Variants in CACNA2D1 observed in about 807,000 individuals in gnomAD.
CACNA2D1 encodes voltage-dependent calcium channel subunit alpha-2/delta-1.
In CACNA2D1, 53 loss-of-function variants were observed where a neutral mutation model predicts 171.5. The observed-to-expected ratio is 0.31, with a 90% CI of 0.25 to 0.39. The LOEUF is 0.39. Among genes scored for constraint, CACNA2D1 ranks in the 10% least tolerant of loss-of-function variants. The pLI is 1.00. For missense variants in CACNA2D1, 903 were observed against 1,299.8 expected, an observed-to-expected ratio of 0.69 and a Z score of 4.69; for synonymous variants, 442 against 443.1, an observed-to-expected ratio of 1.00 and a Z score of 0.03.
intron 1 of CACNA2D1, among the ~76,000 whole-genome samples, chr7:82,384,317 C>A (rs893626909): frequency 3.3e-5 from 5 of 151,910 alleles, no homozygotes; most frequent in African/African-American, 4.8e-5. Flanking sequence ...AGTATGAGGC[C>A]CTCATAATGC....
chr7:82,015,302 A>G (rs1370112634), intron 12 of CACNA2D1, among the ~76,000 whole-genome samples: 2 of 152,180 alleles, frequency 1.3e-5, no homozygotes, highest in Non-Finnish European at 2.9e-5. Context: ...ATGCACACAT[A>G]TAATTATGTT....
intron 7 of CACNA2D1, among the ~76,000 whole-genome samples, chr7:82,079,959 A>G (rs12707471): frequency 0.8 from 121,101 of 151,724 alleles, 48,650 homozygotes; most frequent in African/African-American, 0.88. Flanking sequence ...ATGTGTGTGT[A>G]TGTCAAAACT....
intron 3 of CACNA2D1, among the ~76,000 whole-genome samples, chr7:82,272,484 C>T (rs1001785686): frequency 1.3e-5 from 2 of 152,108 alleles, no homozygotes; most frequent in African/African-American, 4.8e-5. Context: ...TAGCACGCAA[C>T]GTAAGAAACT....
Position 82,007,660 on chromosome 7 carries a change from T to A in CACNA2D1, c.1440+19A>T. 8.0e-7 allele frequency: 1 copy of A among 1,247,150 alleles called. No homozygotes were observed. Among genetic ancestry groups the A allele is most frequent in the African/African-American group, 1.5e-5 (1 of 66,968 alleles). 77.3% of individuals were successfully genotyped at this position (1,247,150 alleles called of 1,614,324 possible). The stretch of plus-strand genomic sequence containing the variant: ...AGTTTGTCATTTATTATTATTAATT[T>A]TATCAATTAACTTTTAACCTTTAAG... On this transcript the variant is annotated intron_variant, in intron 16 of 38. Transcript: ENST00000356860.
In CACNA2D1 at chr7:82,245,515, G is replaced by A. The variant is rs180899065; in HGVS notation, c.295-74906C>T. Among the ~76,000 whole-genome samples, 33 of 152,192 alleles carry A rather than the reference G, an allele frequency of 2.2e-4. 1 individual carries two copies. The highest frequency in any genetic ancestry group is 1.4e-3 in the Admixed American group (22 of 15,268). On this transcript the variant is annotated intron_variant, in intron 3 of 38. Transcript: ENST00000356860. ...AATGGAGTAACTAAACACAGCATAT[G>A]ATAAAATTGGTGAGATTATCTGTTT...
intron 3 of CACNA2D1, among the ~76,000 whole-genome samples, chr7:82,294,306 T>C (rs1442109440): frequency 1.3e-5 from 2 of 152,142 alleles, no homozygotes; most frequent in Non-Finnish European, 2.9e-5. Context: ...TTTGGTTTGA[T>C]GTAGAAGTCA....
At chr7:82,155,755 G>C (rs1374537995) in intron 4 of CACNA2D1, among the ~76,000 whole-genome samples, 1 of 152,118 alleles carries the variant, frequency 6.6e-6, no homozygotes, top group Non-Finnish European at 1.5e-5. Flanking sequence ...AAATGACAAA[G>C]AGTGAAAAGG....
chr7:82,202,645 G>A (rs7803547), intron 3 of CACNA2D1, among the ~76,000 whole-genome samples: 28,705 of 137,768 alleles, frequency 0.21, 2,896 homozygotes, highest in African/African-American at 0.29. Context: ...GGGATGCAGC[G>A]GAGGTAAGGG....
intron 1 of CACNA2D1, among the ~76,000 whole-genome samples, chr7:82,389,453 A>C (rs1346528571): frequency 1.3e-5 from 2 of 152,128 alleles, no homozygotes; most frequent in African/African-American, 4.8e-5. Flanking sequence ...TTTCATAAAG[A>C]TGTCCTGAGT....
chr7:82,193,700 C>G lies in CACNA2D1; in HGVS notation c.295-23091G>C, dbSNP rs575090523. 1.8e-3 allele frequency among the ~76,000 whole-genome samples: 275 copies of G among 152,012 alleles called. 1 individual carries two copies. The highest frequency in any genetic ancestry group is 3.3e-3 in the Admixed American group (50 of 15,236). On this transcript the variant is annotated intron_variant, in intron 3 of 38. Coordinates refer to ENST00000356860, the MANE Select transcript of CACNA2D1 (RefSeq NM_000722.4). ...AGGTTTGCTGAAATTTATCTTCCCC[C>G]CAACAAGCGAAATTCAGTATTTGAA...
chr7:82,300,098 T>C (rs1812818374), intron 3 of CACNA2D1, among the ~76,000 whole-genome samples: 1 of 152,082 alleles, frequency 6.6e-6, no homozygotes, highest in Non-Finnish European at 1.5e-5. Context: ...TAGGGGTGGG[T>C]GTCTGATTTA....
At chr7:81,992,671 T>C (rs941620767) in intron 20 of CACNA2D1, among the ~76,000 whole-genome samples, 1 of 152,216 alleles carries the variant, frequency 6.6e-6, no homozygotes, top group African/African-American at 2.4e-5. Flanking sequence ...GCAGAAATTA[T>C]AATCTTGTTC....
At chr7:82,316,294 G>A (rs906375434) in intron 3 of CACNA2D1, among the ~76,000 whole-genome samples, 2 of 152,134 alleles carry the variant, frequency 1.3e-5, no homozygotes, top group African/African-American at 4.8e-5. Context: ...AGCATTGCTT[G>A]TTTGTACTTG....
At chr7:81,956,383 C>A (rs1205170026) in intron 38 of CACNA2D1, among the ~76,000 whole-genome samples, 1 of 151,682 alleles carries the variant, frequency 6.6e-6, no homozygotes, top group African/African-American at 2.4e-5. Flanking sequence ...TCTAAAAATT[C>A]TATGATTGAC....
chr7:81,991,083 G>A (rs1261489816), intron 21 of CACNA2D1, 102 bp downstream of exon 21: 1 of 687,312 alleles, frequency 1.5e-6, no homozygotes, highest in Non-Finnish European at 2.7e-6. Context: ...TTTCATGTTG[G>A]GAACTTTTCT....
At chr7:82,177,628 T>C (rs558916012) in intron 3 of CACNA2D1, among the ~76,000 whole-genome samples, 46 of 152,176 alleles carry the variant, frequency 3.0e-4, no homozygotes, top group Middle Eastern at 3.4e-3. Flanking sequence ...ATCAAAATGT[T>C]ATACATCAAT....
chr7:82,059,045 T>C (rs1474640701), intron 10 of CACNA2D1, among the ~76,000 whole-genome samples: 1 of 152,096 alleles, frequency 6.6e-6, no homozygotes, highest in African/African-American at 2.4e-5. Context: ...CTAAACAAAG[T>C]CTCCTGCCTT....
At chr7:82,130,641 G>A (rs991337901) in intron 5 of CACNA2D1, among the ~76,000 whole-genome samples, 1 of 151,890 alleles carries the variant, frequency 6.6e-6, no homozygotes, top group African/African-American at 2.4e-5. Context: ...AGTCTTAGGA[G>A]TTGGAAAACA....
chr7:82,394,038 T>A (rs1000546034), intron 1 of CACNA2D1, among the ~76,000 whole-genome samples: 2 of 152,128 alleles, frequency 1.3e-5, no homozygotes, highest in Non-Finnish European at 1.5e-5. Flanking sequence ...ATTGAGACTG[T>A]GCTGAGAATA....
Sources: allele counts gnomAD v4.1 joint callset (sites outside exome capture counted in the v4.1 genomes callset), GRCh38; gene constraint gnomAD v4.1.1; transcripts MANE v1.5; gene names NCBI Gene and HGNC (gene_info 2026-07-23, HGNC 2026-07-21).